The following CHIC2 variants were observed in gnomAD, a reference collection of about 807,000 sequenced individuals.
CHIC2 encodes the protein cysteine rich hydrophobic domain 2.
In CHIC2, 14 loss-of-function variants were observed where a neutral mutation model predicts 25.9. The observed-to-expected ratio is 0.54, with a 90% CI of 0.36 to 0.85. CHIC2 has a LOEUF of 0.85. CHIC2 is among the 40% of genes least tolerant of loss of function. CHIC2 has a pLI of 0.01. For missense variants in CHIC2, 146 were observed against 202.0 expected, an observed-to-expected ratio of 0.72 and a Z score of 1.68; for synonymous variants, 70 against 72.0, an observed-to-expected ratio of 0.97 and a Z score of 0.14.
At chr4:54,048,914 T>C (rs1560394924) in intron 3 of CHIC2, 41 bp downstream of exon 3, 3 of 1,451,878 alleles carry the variant, frequency 2.1e-6, no homozygotes, top group African/African-American at 1.4e-5. Context: ...GACTTGCTTG[T>C]CCACTTCTAA....
chr4:54,020,327 CT>C (rs1455265394), intron 3 of CHIC2, among the ~76,000 whole-genome samples: 1 of 152,194 alleles, frequency 6.6e-6, no homozygotes, highest in Non-Finnish European at 1.5e-5. Context: ...GATCCACCCC[CT>C]GCCACAAAAC....
the CHIC2 span, chr4:54,087,425 C>A: frequency 1.7e-6 from 1 of 595,004 alleles, no homozygotes; most frequent in Non-Finnish European, 2.8e-6. Context: ...TAAAACATCG[C>A]AGGGAAACGT....
intron 3 of CHIC2, among the ~76,000 whole-genome samples, chr4:54,035,654 T>C (rs1300928377): frequency 6.6e-6 from 1 of 152,196 alleles, no homozygotes; most frequent in African/African-American, 2.4e-5. Flanking sequence ...ATTAATTTTA[T>C]TGATCTTCTC....
chr4:54,057,804 TAAAACCCAAGCATC>T (rs1383157880), intron 1 of CHIC2, among the ~76,000 whole-genome samples: 1 of 152,128 alleles, frequency 6.6e-6, no homozygotes, highest in East Asian at 1.9e-4. Flanking sequence ...ATAAATATTG[TAAAACCCAAGCATC>T]AAAACCCAAG....
At chr4:54,039,199 A>T (rs1716488856) in intron 3 of CHIC2, among the ~76,000 whole-genome samples, 1 of 152,206 alleles carries the variant, frequency 6.6e-6, no homozygotes, top group African/African-American at 2.4e-5. Flanking sequence ...TCTTAGATAC[A>T]GCACAAAAGT....
the CHIC2 span, chr4:54,087,624 A>G: frequency 3.2e-6 from 2 of 633,618 alleles, no homozygotes; most frequent in Admixed American, 3.1e-5. Context: ...TTGTAAGAAT[A>G]GGAGAAATGT....
chr4:54,059,628 C>T (rs1478433418), intron 1 of CHIC2: 2 of 151,396 alleles, frequency 1.3e-5, no homozygotes, highest in Non-Finnish European at 2.9e-5. Context: ...CTCACAATTA[C>T]CAGATTTCAT....
At chr4:54,020,668 A>G (rs1481498947) in intron 3 of CHIC2, among the ~76,000 whole-genome samples, 2 of 151,164 alleles carry the variant, frequency 1.3e-5, no homozygotes, top group Non-Finnish European at 3.0e-5. Flanking sequence ...CGGTCTTTTC[A>G]CTCTCTTCTC....
At chr4:54,084,959 C>CAAAAAAAAAAAAAAA in the CHIC2 span, among the ~76,000 whole-genome samples, 375 of 58,878 alleles carry the variant, frequency 6.4e-3, 23 homozygotes, top group African/African-American at 0.018. Context: ...TGCTCTGTCT[C>CAAAAAAAAAAAAAAA]AAAAAAAAAA....
intron 3 of CHIC2, among the ~76,000 whole-genome samples, chr4:54,032,980 G>A (rs911860759): frequency 3.9e-5 from 6 of 152,088 alleles, no homozygotes; most frequent in Non-Finnish European, 7.4e-5. Flanking sequence ...CTCAAGATCC[G>A]GTTTTTTAAA....
chr4:54,080,879 C>G, the CHIC2 span, among the ~76,000 whole-genome samples: 21 of 143,802 alleles, frequency 1.5e-4, no homozygotes, highest in Non-Finnish European at 2.7e-4. Context: ...CACATGGTAA[C>G]TATGTCAGAT....
the CHIC2 span, among the ~76,000 whole-genome samples, chr4:54,079,831 T>C: frequency 2.6e-5 from 4 of 151,818 alleles, no homozygotes; most frequent in Non-Finnish European, 5.9e-5. Flanking sequence ...ATGGCTATTA[T>C]CCAAAAGATA....
the CHIC2 span, among the ~76,000 whole-genome samples, chr4:54,075,736 T>G: frequency 6.6e-6 from 1 of 152,000 alleles, no homozygotes; most frequent in African/African-American, 2.4e-5. Flanking sequence ...GTATTTTTAG[T>G]AGAGATGAGG....
At chr4:54,081,830 G>A in the CHIC2 span, among the ~76,000 whole-genome samples, 1 of 152,112 alleles carries the variant, frequency 6.6e-6, no homozygotes, top group Non-Finnish European at 1.5e-5. Context: ...CCAAAGTGCT[G>A]GGATTATAGG....
At chr4:54,020,245 T>G (rs1432620137) in intron 3 of CHIC2, among the ~76,000 whole-genome samples, 1 of 152,160 alleles carries the variant, frequency 6.6e-6, no homozygotes, top group Non-Finnish European at 1.5e-5. Flanking sequence ...CTGATCAACG[T>G]GCTTTGTAAT....
intron 3 of CHIC2, among the ~76,000 whole-genome samples, chr4:54,015,099 A>G (rs1283597512): frequency 1.3e-5 from 2 of 152,166 alleles, no homozygotes; most frequent in African/African-American, 4.8e-5. Context: ...TAAAATTTTA[A>G]TATGTATTTA....
the CHIC2 span, among the ~76,000 whole-genome samples, chr4:54,070,037 C>T: frequency 2.0e-5 from 3 of 152,204 alleles, no homozygotes; most frequent in Non-Finnish European, 2.9e-5. Context: ...CCACCTAACT[C>T]ACTCCAAGAA....
the CHIC2 span, among the ~76,000 whole-genome samples, chr4:54,083,095 A>G: frequency 7.7e-6 from 1 of 129,460 alleles, no homozygotes; most frequent in Non-Finnish European, 1.5e-5. Flanking sequence ...GGCTCACTGC[A>G]ACCTCTGCCT....
At chr4:54,044,484 T>A (rs1716705136) in intron 3 of CHIC2, among the ~76,000 whole-genome samples, 1 of 152,116 alleles carries the variant, frequency 6.6e-6, no homozygotes, top group Non-Finnish European at 1.5e-5. Flanking sequence ...GAACTCAGGA[T>A]TAAGAAACTC....
Sources: allele counts gnomAD v4.1 joint callset (sites outside exome capture counted in the v4.1 genomes callset), GRCh38; gene constraint gnomAD v4.1.1; transcripts MANE v1.5; gene names NCBI Gene and HGNC (gene_info 2026-07-23, HGNC 2026-07-21).